CENPK: variants seen among roughly 807,000 people sequenced by gnomAD.
CENPK encodes the protein SoxLZ/Sox6-binding protein Solt.
CENPK carries 46 observed loss-of-function variants against 40.9 expected under a neutral mutation model. The ratio of observed to expected loss-of-function variants is 1.13; its 90% CI spans 0.89 to 1.44. CENPK has a LOEUF of 1.44. Ranked by LOEUF, CENPK falls within the 40% of genes most tolerant of loss-of-function variation. The pLI is 0.00. For synonymous variants in CENPK, 107 were observed against 104.4 expected (o/e 1.02, Z -0.15); for missense variants, 288 against 303.5 (o/e 0.95, Z 0.38).
At chr5:65,496,064 C>A in the CENPK span, among the ~76,000 whole-genome samples, 1 of 152,156 alleles carries the variant, frequency 6.6e-6, no homozygotes. Context: ...TTAGACCAGT[C>A]TGGGCAACAT....
At chr5:65,521,247 T>C (rs1041269999) in intron 10 of CENPK, among the ~76,000 whole-genome samples, 6 of 152,146 alleles carry the variant, frequency 3.9e-5, no homozygotes, top group African/African-American at 9.7e-5. Flanking sequence ...GATTAAGAGA[T>C]AGACCTTAAA....
intron 6 of CENPK, among the ~76,000 whole-genome samples, chr5:65,530,482 T>C (rs1426642120): frequency 6.6e-6 from 1 of 152,154 alleles, no homozygotes; most frequent in African/African-American, 2.4e-5. Flanking sequence ...GAATAGTAAG[T>C]ACAAAGGCCA....
At chr5:65,504,036 C>T in the CENPK span, among the ~76,000 whole-genome samples, 287 of 152,120 alleles carry the variant, frequency 1.9e-3, 3 homozygotes, top group African/African-American at 6.8e-3. Context: ...GAAGCAAACA[C>T]AACCCTTTGC....
downstream of CENPK, among the ~76,000 whole-genome samples, chr5:65,515,422 C>T (rs757238889): frequency 1.1e-4 from 17 of 152,016 alleles, no homozygotes; most frequent in Non-Finnish European, 2.1e-4. Flanking sequence ...AGGATGGTCT[C>T]GATCTCCTGA....
At chr5:65,559,178 G>A (rs889166099) in intron 2 of CENPK, among the ~76,000 whole-genome samples, 2 of 152,128 alleles carry the variant, frequency 1.3e-5, no homozygotes, top group African/African-American at 4.8e-5. Flanking sequence ...GAAGTTCTAA[G>A]GCAGACCTAA....
At chr5:65,543,848 TTTCTAAA>T (rs1351849949) in intron 5 of CENPK, among the ~76,000 whole-genome samples, 2 of 152,238 alleles carry the variant, frequency 1.3e-5, no homozygotes, top group African/African-American at 4.8e-5. Flanking sequence ...GTCAGCTTCC[TTTCTAAA>T]GACATTTCCA....
intron 6 of CENPK, among the ~76,000 whole-genome samples, chr5:65,531,768 C>T (rs1452170735): frequency 6.6e-6 from 1 of 152,142 alleles, no homozygotes; most frequent in African/African-American, 2.4e-5. Flanking sequence ...TCCCAAAGTG[C>T]TGGGATTACA....
intron 2 of CENPK, among the ~76,000 whole-genome samples, chr5:65,556,944 A>C (rs1281271915): frequency 1.3e-5 from 2 of 152,262 alleles, no homozygotes; most frequent in Non-Finnish European, 2.9e-5. Context: ...TTGTGCTCAC[A>C]TGATGAAATC....
intron 6 of CENPK, among the ~76,000 whole-genome samples, chr5:65,530,997 A>G (rs1561639915): frequency 6.6e-6 from 1 of 152,178 alleles, no homozygotes; most frequent in Admixed American, 6.6e-5. Context: ...GGATGAAAAG[A>G]AAGATAAATC....
At chr5:65,529,451 GGT>G (rs781271308) in intron 6 of CENPK, 16 of 351,038 alleles carry the variant, frequency 4.6e-5, no homozygotes, top group Non-Finnish European at 7.2e-5. Flanking sequence ...GCAAAATAAT[GGT>G]GTGTTTTCAG....
chr5:65,540,163 A>C (rs984295509), intron 6 of CENPK, among the ~76,000 whole-genome samples: 1 of 152,162 alleles, frequency 6.6e-6, no homozygotes, highest in Non-Finnish European at 1.5e-5. Flanking sequence ...CAAACATTTA[A>C]ATTCAGCTTC....
At chr5:65,521,019 T>C (rs1743629550) in intron 10 of CENPK, among the ~76,000 whole-genome samples, 1 of 152,188 alleles carries the variant, frequency 6.6e-6, no homozygotes, top group Non-Finnish European at 1.5e-5. Flanking sequence ...GAGACTGATG[T>C]TATTTTTTAA....
chr5:65,514,235 T>C (rs1742694827), downstream of CENPK, among the ~76,000 whole-genome samples: 1 of 16,662 alleles, frequency 6.0e-5, no homozygotes, highest in African/African-American at 1.3e-4. Flanking sequence ...ATAATCTTTT[T>C]TTTTTTTTTT....
chr5:65,499,341 T>C, the CENPK span, among the ~76,000 whole-genome samples: 1 of 151,258 alleles, frequency 6.6e-6, no homozygotes, highest in African/African-American at 2.4e-5. Context: ...TGAAAAACAT[T>C]AAGCCACTTC....
At chr5:65,502,733 G>C in the CENPK span, among the ~76,000 whole-genome samples, 1 of 151,870 alleles carries the variant, frequency 6.6e-6, no homozygotes, top group African/African-American at 2.4e-5. Flanking sequence ...ACATCACTGG[G>C]ATTACAGGCG....
At chr5:65,513,116 T>C (rs1421144606), downstream of CENPK, among the ~76,000 whole-genome samples, 1 of 152,218 alleles carries the variant, frequency 6.6e-6, no homozygotes. Flanking sequence ...TCCCAGATTG[T>C]GGCATATTTT....
At chr5:65,525,241 T>A (rs978548703) in intron 9 of CENPK, among the ~76,000 whole-genome samples, 8 of 151,778 alleles carry the variant, frequency 5.3e-5, no homozygotes, top group African/African-American at 1.9e-4. Flanking sequence ...AGTGCGCACA[T>A]GTAATCCCAG....
chr5:65,531,243 T>C (rs1470936331), intron 6 of CENPK, among the ~76,000 whole-genome samples: 5 of 148,706 alleles, frequency 3.4e-5, no homozygotes, highest in Admixed American at 2.7e-4. Flanking sequence ...GGTCTAACAA[T>C]GGCATTAAAT....
At chr5:65,511,351 T>C in the CENPK span, among the ~76,000 whole-genome samples, 107 of 152,152 alleles carry the variant, frequency 7.0e-4, 9 homozygotes, top group Non-Finnish European at 2.9e-5. Flanking sequence ...AAACAGCAAA[T>C]TTTCAAGGTA....
Sources: allele counts gnomAD v4.1 joint callset (sites outside exome capture counted in the v4.1 genomes callset), GRCh38; gene constraint gnomAD v4.1.1; transcripts MANE v1.5; gene names NCBI Gene and HGNC (gene_info 2026-07-23, HGNC 2026-07-21).